Variants in DCHS2 observed in about 807,000 individuals in gnomAD.
DCHS2 encodes dachsous cadherin-related 2.
In DCHS2, 142 loss-of-function variants were observed where a neutral mutation model predicts 182.4. The ratio of observed to expected loss-of-function variants is 0.78; its 90% CI spans 0.68 to 0.89. The LOEUF is 0.89. DCHS2 is among the 40% of genes least tolerant of loss of function. DCHS2 has a pLI of 0.00. For synonymous variants in DCHS2, 1,740 were observed against 1,663.3 expected, an observed-to-expected ratio of 1.05 and a Z score of -1.12; for missense variants, 4,319 against 4,198.6, an observed-to-expected ratio of 1.03 and a Z score of -0.79.
chr4:154,441,892 T>C (rs1734030840), intron 1 of DCHS2, among the ~76,000 whole-genome samples: 1 of 152,040 alleles, frequency 6.6e-6, no homozygotes, highest in African/African-American at 2.4e-5. Flanking sequence ...CCACAGTCGA[T>C]TGCATCCAGG....
At chr4:154,311,084 A>C (rs1735654302) in intron 10 of DCHS2, among the ~76,000 whole-genome samples, 1 of 152,218 alleles carries the variant, frequency 6.6e-6, no homozygotes, top group Admixed American at 6.5e-5. Flanking sequence ...CTAGAGTAAA[A>C]GGTGGGAGAG....
At chr4:154,477,483 T>C (rs563501271) in intron 1 of DCHS2, among the ~76,000 whole-genome samples, 1 of 151,800 alleles carries the variant, frequency 6.6e-6, no homozygotes, top group African/African-American at 2.4e-5. Context: ...TGGGGAAGAG[T>C]CCCTTGAAAC....
intron 13 of DCHS2, among the ~76,000 whole-genome samples, chr4:154,289,653 C>T (rs957788164): frequency 2.6e-5 from 4 of 152,006 alleles, no homozygotes; most frequent in African/African-American, 9.7e-5. Context: ...AAAGTAAAGG[C>T]CATATCTCTG....
intron 1 of DCHS2, among the ~76,000 whole-genome samples, chr4:154,444,732 C>T (rs577432669): frequency 1.3e-5 from 2 of 152,300 alleles, no homozygotes; most frequent in East Asian, 3.9e-4. Context: ...AAAGCCTTCA[C>T]TCACTTTCCT....
At chr4:154,436,765 G>C (rs1006206381) in intron 1 of DCHS2, among the ~76,000 whole-genome samples, 1 of 152,130 alleles carries the variant, frequency 6.6e-6, no homozygotes, top group Non-Finnish European at 1.5e-5. Context: ...AGCCACACTT[G>C]GTTACTAAGT....
chr4:154,312,369 C>T (rs72617462), intron 10 of DCHS2, among the ~76,000 whole-genome samples: 4,013 of 152,082 alleles, frequency 0.026, 278 homozygotes, highest in Admixed American at 0.16. Flanking sequence ...TGACGGGGCA[C>T]GTCAATGAAT....
chr4:154,236,239 T>A lies in DCHS2; in HGVS notation c.8413A>T (p.Thr2805Ser), dbSNP rs771580195. The A allele has an allele frequency of 1.1e-4, 179 of 1,613,822 alleles. No individual in the cohort carries two copies. The East Asian group carries it at 4.0e-3, about 36-fold the overall frequency. The part of the protein sequence containing the change: ...DFDAGPYGEL[T>S]YSIVSPCFLT... ...AAACAGGGTGATACAATAGAATAGG[T>A]CAATTCTCCATACGGACCAGCATCA... is the stretch of plus-strand genomic sequence containing the variant. The change falls in exon 20 of 20, where the codon ACC becomes TCC. Residue 2805 changes from threonine to serine, a missense_variant. Thr to Ser is a moderately conservative substitution (Grantham distance 58). Transcript: ENST00000357232.
At chr4:154,414,196 T>TAGAGAG (rs1187277273) in intron 1 of DCHS2, among the ~76,000 whole-genome samples, 2 of 145,764 alleles carry the variant, frequency 1.4e-5, no homozygotes, top group African/African-American at 5.1e-5. Flanking sequence ...TATATATATA[T>TAGAGAG]AGAGAGAGAG....
chr4:154,238,342 G>T (rs1731637253), intron 19 of DCHS2, among the ~76,000 whole-genome samples: 1 of 152,124 alleles, frequency 6.6e-6, no homozygotes, highest in Non-Finnish European at 1.5e-5. Context: ...GTAATCCCAA[G>T]GTTAATTTTT....
chr4:154,490,219 G>T lies in DCHS2; in HGVS notation c.1137C>A (p.His379Gln). The T allele has an allele frequency of 1.3e-6, 2 of 1,549,654 alleles. No individual in the cohort carries two copies. Among genetic ancestry groups the T allele is most frequent in the South Asian group, 1.2e-5 (1 of 84,024 alleles). The change falls in exon 1 of 20, where the codon CAC becomes CAA. Residue 379 changes from histidine (H) to glutamine (Q), a missense_variant. Transcript: ENST00000357232. ...CATCGCGGGCCTCCACCACCAACTG[G>T]TGCCAGGCCTGTGCCTCGCGGTCCA... Reference protein sequence around the residue: ...RPLDREAQAWHQLVVEARDGG... With the variant: ...RPLDREAQAWQQLVVEARDGG...
At chr4:154,311,540 T>G (rs1418926985) in intron 10 of DCHS2, among the ~76,000 whole-genome samples, 1 of 152,172 alleles carries the variant, frequency 6.6e-6, no homozygotes, top group East Asian at 1.9e-4. Flanking sequence ...CAGCCAAGAT[T>G]CTTGTTTGTA....
At position 154,333,430 on chromosome 4, in the gene DCHS2, G is replaced by A; in HGVS notation, c.2778C>T (p.His926=). 6.2e-7 allele frequency: 1 copy of A among 1,614,048 alleles called. No homozygotes were observed. Among genetic ancestry groups the A allele is most frequent in the African/African-American group, 1.3e-5 (1 of 75,018 alleles). The change falls in exon 5 of 20, where the codon CAC becomes CAT. Residue 926 remains histidine (H), a synonymous_variant. Transcript: ENST00000357232. ...SGDLGGKFSI[H]PRLGTIRTRK... ...GGGTGCGAATAGTGCCCAGCCGCGG[G>A]TGAATGGAGAACTTTCCGCCGAGAT...
chr4:154,275,118 T>C (rs1453291721), intron 13 of DCHS2, among the ~76,000 whole-genome samples: 1 of 151,922 alleles, frequency 6.6e-6, no homozygotes. Context: ...GAACAAATAG[T>C]AGTTTTCCTT....
rs1294941265 is a variant in DCHS2, at chr4:154,235,869, A to G, written c.8783T>C (p.Val2928Ala). Reference protein sequence around the residue: ...SLGTSSPFFSVNKTNGNIYLI... With the variant: ...SLGTSSPFFSANKTNGNIYLI... Reference sequence around the variant, plus strand: ...ATAAATATTTCCATTGGTTTTATTTACTGAAAAGAAAGGAGATGAGGTTCC... The same window carrying G: ...ATAAATATTTCCATTGGTTTTATTTGCTGAAAAGAAAGGAGATGAGGTTCC... The change falls in exon 20 of 20, where the codon GTA (valine) becomes GCA (alanine). Residue 2928 changes from valine to alanine, a missense_variant. Val to Ala is a moderately conservative substitution (Grantham distance 64, BLOSUM62 0). Coordinates refer to ENST00000357232, the MANE Select transcript of DCHS2 (RefSeq NM_001358235.2). 6.2e-7 allele frequency: 1 copy of G among 1,614,062 alleles called. No individual in the cohort carries two copies. Among genetic ancestry groups the G allele is most frequent in the Non-Finnish European group, 8.5e-7 (1 of 1,179,960 alleles).
chr4:154,396,713 G>A (rs1731941499), intron 1 of DCHS2, among the ~76,000 whole-genome samples: 1 of 152,106 alleles, frequency 6.6e-6, no homozygotes. Flanking sequence ...GCCTCATGGT[G>A]TTCTCTTTGC....
intron 16 of DCHS2, among the ~76,000 whole-genome samples, chr4:154,253,231 CTG>C (rs1732475302): frequency 6.6e-6 from 1 of 151,608 alleles, no homozygotes; most frequent in Admixed American, 6.6e-5. Context: ...GTGTATCTCT[CTG>C]TGGCAGTGTG....
At chr4:154,388,789 C>T (rs578130662) in intron 1 of DCHS2, among the ~76,000 whole-genome samples, 21 of 152,080 alleles carry the variant, frequency 1.4e-4, no homozygotes, top group African/African-American at 4.1e-4. Context: ...CCACTGCGCC[C>T]GGCCAAATAC....
intron 3 of DCHS2, among the ~76,000 whole-genome samples, chr4:154,342,663 C>T (rs1338512435): frequency 6.6e-6 from 1 of 152,180 alleles, no homozygotes; most frequent in East Asian, 1.9e-4. Context: ...CATGAGATTG[C>T]AGCAATTCTG....
At chr4:154,488,902 CTGTGTG>C (rs35075104) in intron 1 of DCHS2, among the ~76,000 whole-genome samples, 2,365 of 62,278 alleles carry the variant, frequency 0.038, 55 homozygotes, top group South Asian at 0.17. Flanking sequence ...GTGTGTGTGT[CTGTGTG>C]TGTGTGTGTG....
Sources: allele counts gnomAD v4.1 joint callset (sites outside exome capture counted in the v4.1 genomes callset), GRCh38; gene constraint gnomAD v4.1.1; transcripts MANE v1.5; gene names NCBI Gene and HGNC (gene_info 2026-07-23, HGNC 2026-07-21).